GSK3B: variants seen among roughly 807,000 people sequenced by gnomAD.
GSK3B encodes the protein glycogen synthase kinase 3 beta.
Under a neutral mutation model 56.4 loss-of-function variants are expected in GSK3B, and 15 were observed. That is an observed-to-expected ratio of 0.27 (90% CI 0.18 to 0.41). The LOEUF (loss-of-function observed/expected upper bound fraction) is 0.41, where lower values mean the gene tolerates loss of function less well. GSK3B is among the 10% of genes least tolerant of loss of function. GSK3B has a pLI of 1.00. For missense variants in GSK3B, 300 were observed against 513.4 expected (o/e 0.58, Z 4.02); for synonymous variants, 181 against 188.9 (o/e 0.96, Z 0.34).
At chr3:119,985,395 T>C (rs1376577258) in intron 2 of GSK3B, among the ~76,000 whole-genome samples, 6 of 152,162 alleles carry the variant, frequency 3.9e-5, no homozygotes, top group African/African-American at 1.2e-4. Context: ...GGAAGTCAAA[T>C]TGTCCCTGTT....
At chr3:119,864,987 T>C (rs1387439799) in intron 8 of GSK3B, among the ~76,000 whole-genome samples, 2 of 152,192 alleles carry the variant, frequency 1.3e-5, no homozygotes, top group African/African-American at 4.8e-5. Context: ...TTTATTCTTT[T>C]GAATACTCTG....
chr3:119,911,688 T>C (rs1383044510), intron 6 of GSK3B, among the ~76,000 whole-genome samples: 3 of 152,248 alleles, frequency 2.0e-5, no homozygotes. Flanking sequence ...GATAACTTGC[T>C]GCAGCTTCTA....
chr3:119,837,279 C>T (rs991461005), intron 10 of GSK3B, among the ~76,000 whole-genome samples: 38 of 151,918 alleles, frequency 2.5e-4, no homozygotes, highest in Non-Finnish European at 3.8e-4. Context: ...CTCAGCCTCC[C>T]GAATAGCTGG....
chr3:119,996,816 AGAT>A (rs779665696), intron 2 of GSK3B, among the ~76,000 whole-genome samples: 2 of 152,116 alleles, frequency 1.3e-5, no homozygotes, highest in Non-Finnish European at 2.9e-5. Flanking sequence ...CCTTGAAAAG[AGAT>A]GATAACTAAA....
intron 1 of GSK3B, among the ~76,000 whole-genome samples, chr3:120,022,375 T>A (rs1361757498): frequency 1.3e-5 from 2 of 152,156 alleles, no homozygotes; most frequent in Non-Finnish European, 2.9e-5. Context: ...ACCAAAAAAA[T>A]TGTGTGATGT....
chr3:119,929,623 C>T, intron 3 of GSK3B, among the ~76,000 whole-genome samples: 1 of 152,034 alleles, frequency 6.6e-6, no homozygotes, highest in East Asian at 1.9e-4. Flanking sequence ...AAAAAATTGG[C>T]CAGGCATGGT....
intron 1 of GSK3B, among the ~76,000 whole-genome samples, chr3:120,060,652 G>T (rs1435116228): frequency 6.6e-6 from 1 of 152,082 alleles, no homozygotes; most frequent in Non-Finnish European, 1.5e-5. Context: ...CTTGGGCCTG[G>T]GAGATAAAGA....
chr3:119,999,149 A>G (rs143813272), intron 2 of GSK3B, among the ~76,000 whole-genome samples: 27 of 152,370 alleles, frequency 1.8e-4, no homozygotes, highest in South Asian at 4.1e-4. Context: ...CAACCATTAG[A>G]GAATGAAATA....
At chr3:120,040,186 T>C (rs576338375) in intron 1 of GSK3B, among the ~76,000 whole-genome samples, 28 of 152,370 alleles carry the variant, frequency 1.8e-4, no homozygotes, top group African/African-American at 6.7e-4. Context: ...AGTGTGTAAA[T>C]GATCACAAGC....
In GSK3B at chr3:120,067,995, G is replaced by A. The variant is rs371828249; in HGVS notation, c.88+25352C>T. Among the ~76,000 whole-genome samples, 771 of 152,232 alleles carry A rather than the reference G, an allele frequency of 5.1e-3. 12 individuals carry two copies. Among genetic ancestry groups the A allele is most frequent in the African/African-American group, 0.018 (747 of 41,534 alleles). ...CAGAATTCTTTAATTTTTAAAAGGCGGAATCATGGTGCTGTATTTGTATTT... is the reference window on the plus strand; with the variant it reads ...CAGAATTCTTTAATTTTTAAAAGGCAGAATCATGGTGCTGTATTTGTATTT... On this transcript the variant is annotated intron_variant, in intron 1 of 10. Coordinates refer to ENST00000264235, the MANE Select transcript of GSK3B (RefSeq NM_001146156.2).
chr3:119,856,860 G>A (rs1451370921), intron 9 of GSK3B, among the ~76,000 whole-genome samples: 1 of 152,072 alleles, frequency 6.6e-6, no homozygotes, highest in Non-Finnish European at 1.5e-5. Flanking sequence ...TCACCTCAGA[G>A]TTCATAGTAA....
intron 8 of GSK3B, among the ~76,000 whole-genome samples, chr3:119,867,932 C>G (rs1320573898): frequency 6.6e-6 from 1 of 151,876 alleles, no homozygotes; most frequent in Admixed American, 6.6e-5. Context: ...GAAAACCAGA[C>G]TGAAAGAACT....
At chr3:120,073,121 T>C (rs2058339201) in intron 1 of GSK3B, among the ~76,000 whole-genome samples, 1 of 149,116 alleles carries the variant, frequency 6.7e-6, no homozygotes, top group Admixed American at 6.8e-5. Flanking sequence ...GCTCTGTGGC[T>C]CACATCTATA....
intron 1 of GSK3B, among the ~76,000 whole-genome samples, chr3:120,006,300 C>T (rs2107489853): frequency 6.6e-6 from 1 of 152,222 alleles, no homozygotes; most frequent in South Asian, 2.1e-4. Flanking sequence ...CTGAGACTCC[C>T]ACACAATAAT....
intron 2 of GSK3B, among the ~76,000 whole-genome samples, chr3:119,974,232 G>T (rs1013767275): frequency 7.2e-5 from 11 of 152,110 alleles, no homozygotes; most frequent in African/African-American, 2.7e-4. Flanking sequence ...AACATACAAA[G>T]AATTCTTAAA....
chr3:119,891,774 G>T (rs1403070691), intron 7 of GSK3B, among the ~76,000 whole-genome samples: 2 of 152,014 alleles, frequency 1.3e-5, no homozygotes, highest in African/African-American at 2.4e-5. Context: ...AAAGAGGGGG[G>T]AATTTTAAAA....
chr3:119,851,200 A>C (rs1309867005), intron 9 of GSK3B, among the ~76,000 whole-genome samples: 2 of 152,242 alleles, frequency 1.3e-5, no homozygotes, highest in African/African-American at 4.8e-5. Context: ...GATATGAATC[A>C]ACCAAAAAGT....
intron 9 of GSK3B, among the ~76,000 whole-genome samples, chr3:119,847,516 T>C (rs1222297162): frequency 6.6e-6 from 1 of 151,590 alleles, no homozygotes. Context: ...CCTACCAGTT[T>C]AACAGGGGAA....
chr3:120,076,670 C>T (rs2058369341), intron 1 of GSK3B, among the ~76,000 whole-genome samples: 2 of 151,226 alleles, frequency 1.3e-5, no homozygotes, highest in Admixed American at 6.6e-5. Context: ...AAAAATTAGC[C>T]GGGCATGGTG....
Sources: allele counts gnomAD v4.1 joint callset (sites outside exome capture counted in the v4.1 genomes callset), GRCh38; gene constraint gnomAD v4.1.1; transcripts MANE v1.5; gene names NCBI Gene and HGNC (gene_info 2026-07-23, HGNC 2026-07-21).